OR4D1: variants seen among roughly 807,000 people sequenced by gnomAD.
The protein encoded by OR4D1 is olfactory receptor 4D1.
A neutral mutation model predicts 14.2 loss-of-function variants in OR4D1; 10 were observed. The observed-to-expected ratio is 0.71, with a 90% CI of 0.44 to 1.20. OR4D1 has a LOEUF of 1.20. OR4D1 is among the 50% of genes most tolerant of loss of function. The pLI is 0.00. For synonymous variants in OR4D1, 141 were observed against 147.4 expected, an observed-to-expected ratio of 0.96 and a Z score of 0.32; for missense variants, 345 against 376.6, an observed-to-expected ratio of 0.92 and a Z score of 0.70.
In OR4D1 at chr17:58,155,258, T is replaced by C. The variant is rs191935300; in HGVS notation, c.105T>C (p.Tyr35=). Residue 35 remains tyrosine, a synonymous_variant, in exon 4 of 4, where the codon TAT becomes TAC. Coordinates refer to ENST00000268912, the MANE Select transcript of OR4D1 (RefSeq NM_001386095.1). ...TGTTCCTTCTGTTCCTGTTAGTCTATGTTACCACCATTGTGGGAAACCTCC... is the reference window on the plus strand; with the variant it reads ...TGTTCCTTCTGTTCCTGTTAGTCTACGTTACCACCATTGTGGGAAACCTCC... ...KFLFLLFLLV[Y]VTTIVGNLLI... is the part of the protein sequence containing the mutation. 1.8e-3 allele frequency: 2,848 copies of C among 1,614,186 alleles called. 8 individuals carry two copies. The highest frequency in any genetic ancestry group is 1.9e-3 in the Non-Finnish European group (2,292 of 1,180,002).
At chr17:58,150,942 A>G (rs1209166716) in intron 2 of OR4D1, among the ~76,000 whole-genome samples, 3 of 152,120 alleles carry the variant, frequency 2.0e-5, no homozygotes, top group African/African-American at 7.2e-5. Context: ...TGGTCTCATT[A>G]TAATACTTCT....
At chr17:58,152,225 G>A (rs117223735) in intron 2 of OR4D1, among the ~76,000 whole-genome samples, 12,703 of 152,212 alleles carry the variant, frequency 0.083, 590 homozygotes, top group South Asian at 0.11. Context: ...GGCTGCTCTC[G>A]AACTCCTGAC....
intron 2 of OR4D1, among the ~76,000 whole-genome samples, chr17:58,151,288 C>T (rs1417156353): frequency 1.3e-5 from 2 of 152,058 alleles, no homozygotes; most frequent in East Asian, 1.9e-4. Context: ...TTCAGGGGTA[C>T]ATGTGCAGGA....
At chr17:58,154,266 CTTT>C (rs3030795) in intron 3 of OR4D1, among the ~76,000 whole-genome samples, 4 of 137,412 alleles carry the variant, frequency 2.9e-5, no homozygotes, top group African/African-American at 8.0e-5. Context: ...AGCCAACCCT[CTTT>C]TTTTTTTTTT....
In OR4D1 at chr17:58,157,231, T is replaced by C. The variant is rs1967788318; in HGVS notation, c.*1145T>C. On this transcript the variant is annotated 3_prime_UTR_variant, in exon 4 of 4. Transcript: ENST00000268912. ...GCCTCTTCCGGGGCCACCCTGCGGCTACTGCTGCTGCCGGGGCACGGCGCT... is the reference window on the plus strand; with the variant it reads ...GCCTCTTCCGGGGCCACCCTGCGGCCACTGCTGCTGCCGGGGCACGGCGCT... The C allele has an allele frequency of 2.7e-6, 4 of 1,466,034 alleles. No homozygotes were observed. In the Admixed American group the frequency reaches 8.1e-5, roughly 30 times the overall value. 90.8% of individuals were successfully genotyped at this position (1,466,034 alleles called of 1,614,324 possible). A position where few individuals can be genotyped will look rare whatever the true frequency, so the allele number is the denominator to read the frequency against.
Position 58,156,064 on chromosome 17 carries a change from GC to G in OR4D1, c.913del (p.Leu305Ter), listed in dbSNP as rs750004887. ...MKAAMRRLGK[C>X]LVICRE is the part of the protein sequence containing the mutation. ...GCAGCCATGAGGAGATTAGGCAAGTGCCTAGTAATTTGCAGGGAGTAAACTT... is the reference window on the plus strand; with the variant it reads ...GCAGCCATGAGGAGATTAGGCAAGTGCTAGTAATTTGCAGGGAGTAAACTT... On this transcript the variant is annotated frameshift_variant, in exon 4 of 4. Transcript: ENST00000268912. LOFTEE classifies it low-confidence loss of function (END_TRUNC). The G allele has an allele frequency of 7.5e-6, 12 of 1,607,888 alleles. No individual in the cohort carries two copies. The East Asian group carries it at 2.7e-4, about 36-fold the overall frequency.
In OR4D1 at chr17:58,159,378, G is replaced by A. The variant is rs1967821863; in HGVS notation, c.*3292G>A. ...TAATGGGATTAAGGCCTTTATAAAAGAGACTTCATGCAGCATTAGGCTCGC... is the reference window on the plus strand; with the variant it reads ...TAATGGGATTAAGGCCTTTATAAAAAAGACTTCATGCAGCATTAGGCTCGC... On this transcript the variant is annotated 3_prime_UTR_variant, in exon 4 of 4. Coordinates refer to ENST00000268912, the MANE Select transcript of OR4D1 (RefSeq NM_001386095.1). 6.6e-6 allele frequency: 1 copy of A among 152,218 alleles called. No individual in the cohort carries two copies. The highest frequency in any genetic ancestry group is 1.5e-5 in the Non-Finnish European group (1 of 68,048). 9.4% of individuals were successfully genotyped at this position (152,218 alleles called of 1,614,324 possible).
In OR4D1 at chr17:58,155,517, C is replaced by A. The variant is rs367643540; in HGVS notation, c.364C>A (p.Arg122Ser). ...TTTTCTCTCAGTCATGGCCTATGAC[C>A]GCTACATAGCCATCTCCCAGCCCCT... Reference protein sequence around the residue: ...VFFLSVMAYDRYIAISQPLRY... With the variant: ...VFFLSVMAYDSYIAISQPLRY... Residue 122 changes from arginine to serine, a missense_variant, in exon 4 of 4, where the codon CGC becomes AGC. Physicochemically the swap from Arg to Ser is moderately radical, Grantham distance 110. Coordinates refer to ENST00000268912, the MANE Select transcript of OR4D1 (RefSeq NM_001386095.1). The A allele has an allele frequency of 6.2e-7, 1 of 1,614,122 alleles. No homozygotes were observed. The highest frequency in any genetic ancestry group is 8.5e-7 in the Non-Finnish European group (1 of 1,180,012).
rs1255450053 is a variant in OR4D1 at position 58,148,482 on chromosome 17, CT to C, written c.-596del. On this transcript the variant is annotated 5_prime_UTR_variant, in exon 1 of 4. It removes the in-frame stop codon of an upstream open reading frame in the 5' UTR. Transcript: ENST00000268912. ...AATGGAGCTACAGGAGAAGAGTGAC[CT>C]GGGAGATGGGAGGCTCTAAGTCCTC... The C allele has an allele frequency of 1.3e-5, 2 of 152,340 alleles. No homozygotes were observed. The highest frequency in any genetic ancestry group is 4.8e-5 in the African/African-American group (2 of 41,406). The allele number at this position is 152,340 out of a possible 1,614,324, so 9.4% of individuals were successfully genotyped here.
chr17:58,156,278 C>T lies in OR4D1; in HGVS notation c.*192C>T, dbSNP rs2052083. On this transcript the variant is annotated 3_prime_UTR_variant, in exon 4 of 4. Coordinates refer to ENST00000268912, the MANE Select transcript of OR4D1 (RefSeq NM_001386095.1). ...TCTTTTTTTTTTTTTTTAGATGGAG[C>T]CTTGCTCTGTCACCCAGGCTGGAGT... The T allele has an allele frequency of 0.32, 168,907 of 534,060 alleles. 31,076 individuals are homozygous for T. Among genetic ancestry groups the T allele is most frequent in the African/African-American group, 0.64 (32,892 of 51,248 alleles). 33.1% of individuals were successfully genotyped at this position (534,060 alleles called of 1,614,324 possible).
intron 2 of OR4D1, among the ~76,000 whole-genome samples, chr17:58,150,978 T>G (rs1382276426): frequency 1.3e-5 from 2 of 152,112 alleles, no homozygotes; most frequent in South Asian, 4.1e-4. Context: ...TAAAATTTTA[T>G]GACAATTTAT....
In OR4D1 at chr17:58,157,369, G is replaced by T. The variant is rs189701007; in HGVS notation, c.*1283G>T. 2.8e-4 allele frequency: 384 copies of T among 1,363,324 alleles called. 2 individuals are homozygous for T. In the African/African-American group the frequency reaches 4.2e-3, roughly 15 times the overall value. The allele number at this position is 1,363,324 out of a possible 1,614,324, so 84.5% of individuals were successfully genotyped here. ...GATGCAGGAACCCTGCTGATAATTC[G>T]CCGCCGCCAAGACACGTGAGCCCTA... On this transcript the variant is annotated 3_prime_UTR_variant, in exon 4 of 4. Coordinates refer to ENST00000268912, the MANE Select transcript of OR4D1 (RefSeq NM_001386095.1).
In OR4D1 at chr17:58,156,438, T is replaced by C; in HGVS notation, c.*352T>C. 1 of 206,278 alleles carries C rather than the reference T, an allele frequency of 4.8e-6. No homozygotes were observed. The highest frequency in any genetic ancestry group is 8.8e-5 in the South Asian group (1 of 11,310). The allele number at this position is 206,278 out of a possible 1,614,324, so 12.8% of individuals were successfully genotyped here. A position where few individuals can be genotyped will look rare whatever the true frequency, so the allele number is the denominator to read the frequency against. ...CTAATTTTTGTATTCTTAGTAGAGA[T>C]GGGGTTTCACTACAATGACCAGGCT... On this transcript the variant is annotated 3_prime_UTR_variant, in exon 4 of 4. Coordinates refer to ENST00000268912, the MANE Select transcript of OR4D1 (RefSeq NM_001386095.1).
At chr17:58,152,622 T>C (rs1012208560) in intron 2 of OR4D1, among the ~76,000 whole-genome samples, 3 of 152,186 alleles carry the variant, frequency 2.0e-5, no homozygotes, top group Admixed American at 6.5e-5. Flanking sequence ...CTCTGACTGA[T>C]AAAAGCATAT....
rs3030795 is a variant in OR4D1 at position 58,154,266 on chromosome 17, C to CTTT, written c.-20+321_-20+323dup. Among the ~76,000 whole-genome samples the CTTT allele has an allele frequency of 7.0e-3, 960 of 137,354 alleles. 12 individuals are homozygous for CTTT. Among genetic ancestry groups the CTTT allele is most frequent in the East Asian group, 0.033 (155 of 4,740 alleles). The allele number at this position is 137,354 out of a possible 152,430, so 90.1% of individuals were successfully genotyped here. On this transcript the variant is annotated intron_variant, in intron 3 of 3. Transcript: ENST00000268912. ...TGAGCCACTGCATCCAGCCAACCCTCTTTTTTTTTTTTTTTTTTTTAAACA... is the reference window on the plus strand; with the variant it reads ...TGAGCCACTGCATCCAGCCAACCCTCTTTTTTTTTTTTTTTTTTTTTTTAAACA...
At chr17:58,154,036 G>A (rs2143659393) in intron 3 of OR4D1, among the ~76,000 whole-genome samples, 73 bp downstream of exon 3, 1 of 152,278 alleles carries the variant, frequency 6.6e-6, no homozygotes, top group Non-Finnish European at 1.5e-5. Context: ...GCCCAGGCTT[G>A]TCTCAAACTC....
In OR4D1 at chr17:58,157,355, C is replaced by G; in HGVS notation, c.*1269C>G. The G allele has an allele frequency of 7.0e-7, 1 of 1,424,538 alleles. No homozygotes were observed. The highest frequency in any genetic ancestry group is 1.3e-5 in the South Asian group (1 of 77,252). The allele number at this position is 1,424,538 out of a possible 1,614,324, so 88.2% of individuals were successfully genotyped here. A position where few individuals can be genotyped will look rare whatever the true frequency, so the allele number is the denominator to read the frequency against. On this transcript the variant is annotated 3_prime_UTR_variant, in exon 4 of 4. Transcript: ENST00000268912. Reference sequence around the variant, plus strand: ...GACGGAGCGGCGTGGATGCAGGAACCCTGCTGATAATTCGCCGCCGCCAAG... The same window carrying G: ...GACGGAGCGGCGTGGATGCAGGAACGCTGCTGATAATTCGCCGCCGCCAAG...
At chr17:58,152,463 A>G (rs1042648625) in intron 2 of OR4D1, among the ~76,000 whole-genome samples, 1 of 152,260 alleles carries the variant, frequency 6.6e-6, no homozygotes, top group Non-Finnish European at 1.5e-5. Context: ...ATATATTTAC[A>G]AAGTAGAGAG....
chr17:58,155,110 G>C (rs370479284), intron 3 of OR4D1, 25 bp from the exon 4 acceptor site: 12 of 1,411,774 alleles, frequency 8.5e-6, no homozygotes, highest in Non-Finnish European at 1.2e-5. Flanking sequence ...TTGTTTGTTT[G>C]TTTGTTTCAA....
Sources: gnomAD v4.1 joint callset for allele counts (sites outside exome capture counted in the v4.1 genomes callset) on GRCh38, gnomAD v4.1.1 for gene constraint, MANE v1.5 for transcripts, NCBI Gene and HGNC (gene_info 2026-07-23, HGNC 2026-07-21) for gene names.